The following CFAP20DC variants were observed in gnomAD, a reference collection of about 807,000 sequenced individuals.
CFAP20DC encodes the protein protein CFAP20DC.
Under a neutral mutation model 101.7 loss-of-function variants are expected in CFAP20DC, and 84 were observed. The observed-to-expected ratio is 0.83, with a 90% CI of 0.69 to 0.99. CFAP20DC has a LOEUF of 0.99. Among genes scored for constraint, CFAP20DC ranks in the 50% least tolerant of loss-of-function variants. CFAP20DC has a pLI of 0.00. For missense variants in CFAP20DC, 1,007 were observed against 970.3 expected (o/e 1.04, Z -0.50); for synonymous variants, 359 against 351.2 (o/e 1.02, Z -0.25).
In CFAP20DC at chr3:58,992,494, G is replaced by GA. The variant is rs548418062; in HGVS notation, c.278+47062dup. ...AGAAAAACAAGAAATTAAAATGAAAGAAAAAAACCTCACCTCGTTCTTCAA... is the reference window on the plus strand; with the variant it reads ...AGAAAAACAAGAAATTAAAATGAAAGAAAAAAAACCTCACCTCGTTCTTCAA... On this transcript the variant is annotated intron_variant, in intron 4 of 16. Transcript: ENST00000482387. The GA allele has an allele frequency of 2.1e-4, 187 of 880,652 alleles. No individual in the cohort carries two copies. In the African/African-American group the frequency reaches 3.0e-3, roughly 14 times the overall value. The allele number at this position is 880,652 out of a possible 1,614,324, so 54.6% of individuals were successfully genotyped here.
intron 5 of CFAP20DC, among the ~76,000 whole-genome samples, chr3:58,937,418 T>A (rs2087859530): frequency 6.6e-6 from 1 of 152,200 alleles, no homozygotes; most frequent in Non-Finnish European, 1.5e-5. Flanking sequence ...ACTTTCTCTC[T>A]CCACTGTGCT....
At chr3:58,960,534 T>C (rs2091048627) in intron 4 of CFAP20DC, among the ~76,000 whole-genome samples, 1 of 151,942 alleles carries the variant, frequency 6.6e-6, no homozygotes, top group South Asian at 2.1e-4. Context: ...TTTGATGATG[T>C]TATTGTTACT....
chr3:58,893,352 G>T (rs1018840630), intron 6 of CFAP20DC, among the ~76,000 whole-genome samples: 1 of 152,164 alleles, frequency 6.6e-6, no homozygotes, highest in Non-Finnish European at 1.5e-5. Flanking sequence ...CCAAAGGAAC[G>T]TTGAATTTTA....
intron 6 of CFAP20DC, among the ~76,000 whole-genome samples, chr3:58,909,112 G>C (rs964860972): frequency 6.6e-6 from 1 of 152,138 alleles, no homozygotes; most frequent in African/African-American, 2.4e-5. Context: ...AACCCAAAGA[G>C]CGTATAGTAC....
intron 15 of CFAP20DC, among the ~76,000 whole-genome samples, chr3:58,802,565 C>T (rs773749315): frequency 1.1e-4 from 16 of 152,080 alleles, no homozygotes; most frequent in Non-Finnish European, 2.2e-4. Context: ...TGCCTAACAG[C>T]GTAAGGGGAA....
At chr3:59,011,149 G>A (rs2093572510) in intron 4 of CFAP20DC, among the ~76,000 whole-genome samples, 1 of 152,182 alleles carries the variant, frequency 6.6e-6, no homozygotes, top group Non-Finnish European at 1.5e-5. Flanking sequence ...TGTAATCCCA[G>A]CACTCTGGAA....
rs919270547 is a variant in CFAP20DC at position 58,869,682 on chromosome 3, A to T, written c.853-192T>A. 2.6e-5 allele frequency among the ~76,000 whole-genome samples: 4 copies of T among 152,234 alleles called. No homozygotes were observed. The highest frequency in any genetic ancestry group is 9.6e-5 in the African/African-American group (4 of 41,462). ...TGGAAGGAGAAAAATAACGAGATAAAATAGAAGACATGCAAGTCTCCTAGA... is the reference window on the plus strand; with the variant it reads ...TGGAAGGAGAAAAATAACGAGATAATATAGAAGACATGCAAGTCTCCTAGA... On this transcript the variant is annotated intron_variant, in intron 8 of 16. Transcript: ENST00000482387. The surrounding 1 kb of genome is among the most constrained non-coding windows in gnomAD (Gnocchi z 4.3).
At chr3:59,045,332 G>A (rs866780667) in intron 3 of CFAP20DC, among the ~76,000 whole-genome samples, 8 of 151,896 alleles carry the variant, frequency 5.3e-5, no homozygotes, top group Non-Finnish European at 8.8e-5. Flanking sequence ...TGCATGGTAG[G>A]TATTCGATAA....
chr3:58,907,875 C>T (rs1470257222), intron 6 of CFAP20DC, among the ~76,000 whole-genome samples: 1 of 152,128 alleles, frequency 6.6e-6, no homozygotes, highest in Non-Finnish European at 1.5e-5. Context: ...CACCACAGCA[C>T]CTTGAACCAT....
chr3:58,735,590 C>T (rs2067734655), intron 3 of CFAP20DC, among the ~76,000 whole-genome samples: 2 of 152,186 alleles, frequency 1.3e-5, no homozygotes, highest in African/African-American at 4.8e-5. Flanking sequence ...TCAGCCTTGG[C>T]ACACATTAGG....
At chr3:58,870,557 T>C (rs1057427160) in intron 7 of CFAP20DC, among the ~76,000 whole-genome samples, 2 of 151,024 alleles carry the variant, frequency 1.3e-5, no homozygotes, top group African/African-American at 4.9e-5. Context: ...ATACTCACCA[T>C]CATTTGAGAA....
At chr3:58,968,147 T>C (rs964233820) in intron 4 of CFAP20DC, among the ~76,000 whole-genome samples, 2 of 152,230 alleles carry the variant, frequency 1.3e-5, no homozygotes, top group African/African-American at 2.4e-5. Flanking sequence ...GTCTTTGCTA[T>C]TGTGAATAGT....
intron 14 of CFAP20DC, among the ~76,000 whole-genome samples, chr3:58,822,535 T>C (rs561442360): frequency 4.0e-5 from 6 of 151,386 alleles, no homozygotes; most frequent in South Asian, 2.1e-4. Flanking sequence ...CATGTATACA[T>C]ATGTAACTAA....
At chr3:58,890,166 C>G (rs1174495163) in intron 6 of CFAP20DC, among the ~76,000 whole-genome samples, 2 of 150,338 alleles carry the variant, frequency 1.3e-5, no homozygotes, top group Non-Finnish European at 3.0e-5. Context: ...GACGGGGCGG[C>G]TGGCTGGGCA....
In CFAP20DC at chr3:58,964,510, C is replaced by T. The variant is rs1001040326; in HGVS notation, c.279-26748G>A. On this transcript the variant is annotated intron_variant, in intron 4 of 16. Transcript: ENST00000482387. The surrounding 1 kb of genome is among the most constrained non-coding windows in gnomAD (Gnocchi z 4.1). ...ATTCCTATCTTATCCCTTCCTTCCTCGAAGTGCTTGCTTTGGGTTTTAAGC... is the reference window on the plus strand; with the variant it reads ...ATTCCTATCTTATCCCTTCCTTCCTTGAAGTGCTTGCTTTGGGTTTTAAGC... Among the ~76,000 whole-genome samples, 3 of 152,160 alleles carry T rather than the reference C, an allele frequency of 2.0e-5. No homozygotes were observed. Among genetic ancestry groups the T allele is most frequent in the Admixed American group, 1.3e-4 (2 of 15,272 alleles).
intron 15 of CFAP20DC, among the ~76,000 whole-genome samples, chr3:58,766,955 C>T: frequency 6.6e-6 from 1 of 152,168 alleles, no homozygotes. Context: ...CCTTTCACTC[C>T]TTCTTTTAGA....
chr3:58,777,411 ATCATT>A (rs2071432716), intron 15 of CFAP20DC, among the ~76,000 whole-genome samples: 1 of 152,238 alleles, frequency 6.6e-6, no homozygotes, highest in South Asian at 2.1e-4. Flanking sequence ...ACAGGCGTGC[ATCATT>A]AACTTTGGCA....
chr3:58,736,258 C>G (rs931230071), intron 3 of CFAP20DC, among the ~76,000 whole-genome samples: 3 of 152,168 alleles, frequency 2.0e-5, no homozygotes, highest in Non-Finnish European at 4.4e-5. Context: ...AAAAAGGAAG[C>G]TCTCTTCAAC....
rs574810644 is a variant in CFAP20DC, at chr3:58,816,204, T to C, written c.2176-9748A>G. The stretch of plus-strand genomic sequence containing the variant: ...CATAAAAAATGATGAGTTCATGTCC[T>C]TTGTAGGGACATGGATGAGACTGGA... On this transcript the variant is annotated intron_variant, in intron 14 of 16. Transcript: ENST00000482387. Among the ~76,000 whole-genome samples, 8 of 152,192 alleles carry C rather than the reference T, an allele frequency of 5.3e-5. No homozygotes were observed. In the South Asian group the frequency reaches 1.5e-3, roughly 28 times the overall value.
Sources: allele counts gnomAD v4.1 joint callset (sites outside exome capture counted in the v4.1 genomes callset), GRCh38; gene constraint gnomAD v4.1.1; non-coding constraint Gnocchi (gnomAD v3.1); transcripts MANE v1.5; gene names NCBI Gene and HGNC (gene_info 2026-07-23, HGNC 2026-07-21).